The following NLGN1 variants were observed in gnomAD, a reference collection of about 807,000 sequenced individuals.
NLGN1 encodes the protein neuroligin 1.
NLGN1 carries 12 observed loss-of-function variants against 65.5 expected under a neutral mutation model. The observed-to-expected ratio is 0.18, with a 90% confidence interval of 0.12 to 0.30. The LOEUF is 0.30. Ranked by LOEUF, NLGN1 falls within the 10% of genes least tolerant of loss-of-function variation. The pLI is 1.00. For missense variants in NLGN1, 750 were observed against 1,007.1 expected, an observed-to-expected ratio of 0.74 and a Z score of 3.46; for synonymous variants, 350 against 359.5, an observed-to-expected ratio of 0.97 and a Z score of 0.30.
intron 4 of NLGN1, among the ~76,000 whole-genome samples, chr3:173,841,534 A>G (rs980657301): frequency 2.6e-5 from 4 of 152,208 alleles, no homozygotes; most frequent in Non-Finnish European, 5.9e-5. Flanking sequence ...AGCAAGGACA[A>G]ATCCTGTTGT....
chr3:173,753,968 A>ATATAATATAATATAATATAATATAG (rs1776690953), intron 3 of NLGN1, among the ~76,000 whole-genome samples: 1 of 103,386 alleles, frequency 9.7e-6, no homozygotes, highest in African/African-American at 2.6e-5. Flanking sequence ...ATATAATATA[A>ATATAATATAATATAATATAATATAG]TATAATATCT....
intron 4 of NLGN1, among the ~76,000 whole-genome samples, chr3:174,086,057 C>G (rs1244023473): frequency 6.6e-6 from 1 of 151,560 alleles, no homozygotes; most frequent in African/African-American, 2.4e-5. Flanking sequence ...CCAAATAGTA[C>G]AAAAACGTAT....
chr3:174,265,490 T>G (rs897928694), intron 4 of NLGN1, among the ~76,000 whole-genome samples: 9 of 152,112 alleles, frequency 5.9e-5, no homozygotes, highest in Non-Finnish European at 1.2e-4. Context: ...GGGAACTCCC[T>G]GACGCCTTGC....
At chr3:173,857,020 T>A (rs867094470) in intron 4 of NLGN1, among the ~76,000 whole-genome samples, 2,283 of 139,910 alleles carry the variant, frequency 0.016, 43 homozygotes, top group Middle Eastern at 0.07. Context: ...AGGCGTTAGA[T>A]AAAAAAAAAA....
At chr3:173,810,328 A>C (rs973974993) in intron 4 of NLGN1, among the ~76,000 whole-genome samples, 1 of 152,192 alleles carries the variant, frequency 6.6e-6, no homozygotes, top group South Asian at 2.1e-4. Flanking sequence ...AACAGTAAAA[A>C]GGTAAGCCAA....
intron 4 of NLGN1, among the ~76,000 whole-genome samples, chr3:174,203,598 C>G (rs1166782640): frequency 6.6e-6 from 1 of 152,126 alleles, no homozygotes; most frequent in African/African-American, 2.4e-5. Context: ...TTCAGGGCAC[C>G]CACATCTATG....
chr3:173,941,440 G>A (rs968454309), intron 4 of NLGN1, among the ~76,000 whole-genome samples: 1 of 151,996 alleles, frequency 6.6e-6, no homozygotes, highest in Admixed American at 6.6e-5. Flanking sequence ...AAATGTTTTA[G>A]AGTGACTGTT....
chr3:173,606,293 A>G (rs1174946678), intron 3 of NLGN1, among the ~76,000 whole-genome samples: 1 of 152,096 alleles, frequency 6.6e-6, no homozygotes, highest in East Asian at 1.9e-4. Flanking sequence ...CCTTCAAATC[A>G]TCCTCTAGCC....
In NLGN1 at chr3:174,251,769, A is replaced by G. The variant is rs185954546; in HGVS notation, c.647-23546A>G. ...ACATTATGTATTTATACACTTACATAAAAGTTGGAGACTAGTTCCATGCAA... is the reference window on the plus strand; with the variant it reads ...ACATTATGTATTTATACACTTACATGAAAGTTGGAGACTAGTTCCATGCAA... On this transcript the variant is annotated intron_variant, in intron 4 of 6. Coordinates refer to ENST00000457714, the Ensembl canonical transcript of NLGN1. Among the ~76,000 whole-genome samples, 108 of 152,336 alleles carry G rather than the reference A, an allele frequency of 7.1e-4. 1 individual carries two copies. The highest frequency in any genetic ancestry group is 2.0e-3 in the Admixed American group (31 of 15,308).
At chr3:174,007,053 C>A (rs1220548672) in intron 4 of NLGN1, among the ~76,000 whole-genome samples, 1 of 151,910 alleles carries the variant, frequency 6.6e-6, no homozygotes, top group Non-Finnish European at 1.5e-5. Context: ...GTGTGACAGA[C>A]CAAGACTTCA....
At chr3:173,551,039 C>T (rs1414783673) in intron 2 of NLGN1, among the ~76,000 whole-genome samples, 6 of 152,128 alleles carry the variant, frequency 3.9e-5, no homozygotes, top group Non-Finnish European at 8.8e-5. Flanking sequence ...TGCATTATCA[C>T]CTTATTTGAG....
intron 3 of NLGN1, among the ~76,000 whole-genome samples, chr3:173,784,658 A>G (rs188055902): frequency 1.3e-5 from 2 of 152,286 alleles, no homozygotes; most frequent in Non-Finnish European, 2.9e-5. Context: ...TCAGAAACCC[A>G]AAGTCAGAGA....
intron 4 of NLGN1, among the ~76,000 whole-genome samples, chr3:173,877,018 T>A (rs558718483): frequency 2.0e-5 from 3 of 152,130 alleles, no homozygotes; most frequent in Non-Finnish European, 4.4e-5. Context: ...TAAATAAGAA[T>A]AGGATATTTG....
intron 4 of NLGN1, among the ~76,000 whole-genome samples, chr3:174,119,199 C>T (rs1474159178): frequency 6.6e-6 from 1 of 152,090 alleles, no homozygotes; most frequent in Non-Finnish European, 1.5e-5. Flanking sequence ...ATGATTCATC[C>T]TTTCAGAAGC....
At chr3:173,932,988 G>A (rs1330992377) in intron 4 of NLGN1, among the ~76,000 whole-genome samples, 1 of 152,070 alleles carries the variant, frequency 6.6e-6, no homozygotes, top group Non-Finnish European at 1.5e-5. Flanking sequence ...TGGGGTGGTG[G>A]GTAAGGATGG....
intron 3 of NLGN1, among the ~76,000 whole-genome samples, chr3:173,713,043 A>G (rs541379980): frequency 7.2e-5 from 11 of 152,154 alleles, no homozygotes; most frequent in Non-Finnish European, 1.5e-4. Context: ...TCATCAAGCA[A>G]TACAGTTAAC....
intron 4 of NLGN1, among the ~76,000 whole-genome samples, chr3:173,897,727 A>G (rs537769842): frequency 1.2e-4 from 18 of 152,332 alleles, no homozygotes; most frequent in African/African-American, 4.3e-4. Context: ...TAGATATCTT[A>G]TAAGAGGAAA....
chr3:173,812,745 A>AG (rs1158652223), intron 4 of NLGN1, among the ~76,000 whole-genome samples: 15 of 139,506 alleles, frequency 1.1e-4, no homozygotes, highest in Non-Finnish European at 1.7e-4. Context: ...CACATACTAT[A>AG]TATGTGTGTG....
chr3:174,195,520 T>A (rs1220055281), intron 4 of NLGN1, among the ~76,000 whole-genome samples: 22 of 152,188 alleles, frequency 1.4e-4, no homozygotes, highest in Non-Finnish European at 3.2e-4. Flanking sequence ...AATCTGTGTA[T>A]GAGATTGCTC....
Sources: allele counts gnomAD v4.1 joint callset (sites outside exome capture counted in the v4.1 genomes callset), GRCh38; gene constraint gnomAD v4.1.1; transcripts MANE v1.5; gene names NCBI Gene and HGNC (gene_info 2026-07-23, HGNC 2026-07-21).